The following MAP2K4 variants were observed in gnomAD, a reference collection of about 807,000 sequenced individuals.
MAP2K4 encodes the protein dual specificity mitogen-activated protein kinase kinase 4.
A neutral mutation model predicts 48.5 loss-of-function variants in MAP2K4; 4 were observed. The observed-to-expected ratio is 0.08, with a 90% CI of 0.04 to 0.19. The LOEUF is 0.19. Ranked by LOEUF, MAP2K4 falls within the 10% of genes least tolerant of loss-of-function variation. MAP2K4 has a pLI of 1.00. For synonymous variants in MAP2K4, 166 were observed against 173.1 expected, an observed-to-expected ratio of 0.96 and a Z score of 0.32; for missense variants, 258 against 493.3, an observed-to-expected ratio of 0.52 and a Z score of 4.52.
At chr17:12,095,809 G>A (rs1179597208) in intron 4 of MAP2K4, 115 bp downstream of exon 4, 1 of 1,207,818 alleles carries the variant, frequency 8.3e-7, no homozygotes, top group Non-Finnish European at 1.2e-6. Context: ...TAATATCTCA[G>A]TATCTTAGTG....
chr17:12,049,119 C>T (rs921366321), intron 1 of MAP2K4, among the ~76,000 whole-genome samples: 4 of 152,208 alleles, frequency 2.6e-5, no homozygotes, highest in African/African-American at 9.6e-5. Flanking sequence ...GTGGGTTACT[C>T]ATTTCATAAC....
intron 9 of MAP2K4, among the ~76,000 whole-genome samples, chr17:12,139,373 A>G (rs915868249): frequency 6.6e-5 from 10 of 152,318 alleles, no homozygotes; most frequent in Admixed American, 1.3e-4. Flanking sequence ...AAACTTTTTT[A>G]AAACTTAAGG....
rs894844445 is a variant in MAP2K4 at position 12,081,854 on chromosome 17, T to A, written c.393+324T>A. On this transcript the variant is annotated intron_variant, in intron 3 of 10. Coordinates refer to ENST00000353533, the MANE Select transcript of MAP2K4 (RefSeq NM_003010.4). This position sits in a 1 kb window ranked among gnomAD's most constrained non-coding sequence, Gnocchi z 4.2. The stretch of plus-strand genomic sequence containing the variant: ...TGCACCCCTGGGAGCAGGGCAGTGC[T>A]GCACTGAGCCAGGCGGGAGCTGGAA... 1.9e-6 allele frequency: 1 copy of A among 535,408 alleles called. No individual in the cohort carries two copies. Among genetic ancestry groups the A allele is most frequent in the African/African-American group, 1.9e-5 (1 of 52,796 alleles). 33.2% of individuals were successfully genotyped at this position (535,408 alleles called of 1,614,324 possible).
chr17:12,028,704 G>GT (rs1393123319), intron 1 of MAP2K4, among the ~76,000 whole-genome samples: 2 of 152,128 alleles, frequency 1.3e-5, no homozygotes, highest in African/African-American at 4.8e-5. Flanking sequence ...TCATATTGTA[G>GT]TTCATAATGC....
At chr17:12,099,813 A>G (rs185503934) in intron 4 of MAP2K4, among the ~76,000 whole-genome samples, 13 of 152,324 alleles carry the variant, frequency 8.5e-5, no homozygotes, top group Middle Eastern at 3.4e-3. Flanking sequence ...ATCACTTAAA[A>G]ATTTTTCTAA....
chr17:12,065,498 C>T (rs991205673), intron 2 of MAP2K4, among the ~76,000 whole-genome samples: 4 of 151,956 alleles, frequency 2.6e-5, no homozygotes, highest in African/African-American at 9.7e-5. Flanking sequence ...CAAGGTTTCA[C>T]CATGTTGGCC....
At chr17:12,048,675 A>T (rs1219767073) in intron 1 of MAP2K4, among the ~76,000 whole-genome samples, 1 of 151,764 alleles carries the variant, frequency 6.6e-6, no homozygotes, top group African/African-American at 2.4e-5. Flanking sequence ...TTATTTTTTG[A>T]GACGCAGTTT....
chr17:12,108,389 A>G (rs946710101), intron 5 of MAP2K4, among the ~76,000 whole-genome samples: 1 of 152,102 alleles, frequency 6.6e-6, no homozygotes, highest in Non-Finnish European at 1.5e-5. Context: ...TTGGTTATTC[A>G]GTCTAAACTA....
rs28923213 is a variant in MAP2K4 at position 12,107,602 on chromosome 17, A to G, written c.514-188A>G. On this transcript the variant is annotated intron_variant, in intron 4 of 10. Transcript: ENST00000353533. ...AGTGGGGAAAATTGGCTTTAACTAC[A>G]TTGTTTATGTTTAAACCTGAGTAGA... Among the ~76,000 whole-genome samples, 285 of 152,106 alleles carry G rather than the reference A, an allele frequency of 1.9e-3. 2 individuals are homozygous for G. The highest frequency in any genetic ancestry group is 6.3e-3 in the African/African-American group (263 of 41,518).
At chr17:12,083,881 A>G (rs975273827) in intron 3 of MAP2K4, among the ~76,000 whole-genome samples, 1 of 152,222 alleles carries the variant, frequency 6.6e-6, no homozygotes, top group African/African-American at 2.4e-5. Context: ...AGGAACCATG[A>G]GACGGTGGTT....
At chr17:12,039,308 G>A (rs577218520) in intron 1 of MAP2K4, among the ~76,000 whole-genome samples, 7 of 152,290 alleles carry the variant, frequency 4.6e-5, no homozygotes, top group African/African-American at 1.7e-4. Context: ...ACAAACTGAT[G>A]CTTTTAGCAA....
chr17:12,122,558 G>C (rs557451877), intron 7 of MAP2K4, among the ~76,000 whole-genome samples: 3 of 152,254 alleles, frequency 2.0e-5, no homozygotes, highest in African/African-American at 7.2e-5. Flanking sequence ...TTGTGACCTT[G>C]CTAGTTTAGT....
chr17:12,119,922 A>G (rs1451190493), intron 7 of MAP2K4, among the ~76,000 whole-genome samples: 1 of 152,240 alleles, frequency 6.6e-6, no homozygotes, highest in Non-Finnish European at 1.5e-5. Context: ...CAGAAAATCA[A>G]ATACCACATG....
chr17:12,092,476 G>A (rs1011451798), intron 3 of MAP2K4, among the ~76,000 whole-genome samples: 1 of 152,134 alleles, frequency 6.6e-6, no homozygotes, highest in African/African-American at 2.4e-5. Context: ...ATATTGTTTT[G>A]ATGGTTCATT....
At chr17:12,101,453 T>G (rs1359474798) in intron 4 of MAP2K4, among the ~76,000 whole-genome samples, 1 of 152,136 alleles carries the variant, frequency 6.6e-6, no homozygotes, top group Non-Finnish European at 1.5e-5. Context: ...TTAAACTTTG[T>G]TCTTTTAAAA....
chr17:12,091,506 A>G (rs1971562028), intron 3 of MAP2K4, among the ~76,000 whole-genome samples: 1 of 152,188 alleles, frequency 6.6e-6, no homozygotes, highest in East Asian at 1.9e-4. Context: ...TTTGTGGCTG[A>G]TCCAACCAAT....
chr17:12,106,254 G>A (rs150386282), intron 4 of MAP2K4, among the ~76,000 whole-genome samples: 159 of 152,238 alleles, frequency 1.0e-3, no homozygotes, highest in African/African-American at 3.6e-3. Context: ...ATAAAGCTGT[G>A]TCTGTTTTGG....
chr17:12,037,240 T>G (rs1969630920), intron 1 of MAP2K4, among the ~76,000 whole-genome samples: 3 of 152,272 alleles, frequency 2.0e-5, no homozygotes, highest in Middle Eastern at 6.8e-3. Flanking sequence ...CCCTAATTGT[T>G]TTTTAAATTG....
rs1395622435 is a variant in MAP2K4, at chr17:12,086,824, GTTTT to G, written c.393+5297_393+5300del. On this transcript the variant is annotated intron_variant, in intron 3 of 10. Coordinates refer to ENST00000353533, the MANE Select transcript of MAP2K4 (RefSeq NM_003010.4). Reference sequence around the variant, plus strand: ...TACATAGTTATCTGGAGAAAAACCTGTTTTTTGTTTTGTTTTGTTTTGTTTTGTT... The same window carrying G: ...TACATAGTTATCTGGAGAAAAACCTGTTGTTTTGTTTTGTTTTGTTTTGTT... Among the ~76,000 whole-genome samples the G allele has an allele frequency of 8.9e-5, 8 of 90,166 alleles. No homozygotes were observed. In the South Asian group the frequency reaches 1.7e-3, roughly 20 times the overall value. The allele number at this position is 90,166 out of a possible 152,430, so 59.2% of individuals were successfully genotyped here.
Sources: allele counts gnomAD v4.1 joint callset (sites outside exome capture counted in the v4.1 genomes callset), GRCh38; gene constraint gnomAD v4.1.1; non-coding constraint Gnocchi (gnomAD v3.1); transcripts MANE v1.5; gene names NCBI Gene and HGNC (gene_info 2026-07-23, HGNC 2026-07-21).